CFAP73: variants seen among roughly 807,000 people sequenced by gnomAD.
CFAP73 encodes the protein cilia and flagella associated protein 73.
A neutral mutation model predicts 42.9 loss-of-function variants in CFAP73; 33 were observed. That is an observed-to-expected ratio of 0.77 (90% CI 0.58 to 1.03). CFAP73 has a LOEUF of 1.03. CFAP73 is among the 50% of genes least tolerant of loss of function. CFAP73 has a pLI of 0.00. For missense variants in CFAP73, 392 were observed against 411.9 expected (o/e 0.95, Z 0.42); for synonymous variants, 162 against 186.8 (o/e 0.87, Z 1.08).
chr12:113,154,453 C>T lies in CFAP73; in HGVS notation c.508C>T (p.Leu170=), dbSNP rs1952097507. 1 of 1,546,954 alleles carries T rather than the reference C, an allele frequency of 6.5e-7. No individual in the cohort carries two copies. The change falls in exon 5 of 8, where the codon CTG becomes TTG. Residue 170 remains leucine, a synonymous_variant. Coordinates refer to ENST00000335621, the MANE Select transcript of CFAP73 (RefSeq NM_001144872.3). This position sits in a 1 kb window ranked among gnomAD's most constrained non-coding sequence, Gnocchi z 4.7. Reference sequence around the variant, plus strand: ...GGAGCTGGTGGCGCGCTTCGACGGCCTGGCCGAGACGCAGGCGGCGCTGAG... The same window carrying T: ...GGAGCTGGTGGCGCGCTTCGACGGCTTGGCCGAGACGCAGGCGGCGCTGAG... The part of the protein sequence containing the change: ...VPELVARFDG[L]AETQAALRLR...
chr12:113,157,436 G>A (rs1952141466), intron 6 of CFAP73, 166 bp from the exon 7 acceptor site: 3 of 633,808 alleles, frequency 4.7e-6, no homozygotes, highest in Non-Finnish European at 8.4e-6. Context: ...ACCCAGAACG[G>A]TTTAGGATCT....
At position 113,158,882 on chromosome 12, in the gene CFAP73, T is replaced by G. The variant is rs1367284693; in HGVS notation, c.*193T>G. On this transcript the variant is annotated 3_prime_UTR_variant, in exon 8 of 8. Transcript: ENST00000335621. The surrounding 1 kb of genome is among the most constrained non-coding windows in gnomAD (Gnocchi z 4.9). ...ACGGGGCTGGGTCCTGGTCCTCACA[T>G]CCTCTTCCGCATCTTGCCCTTCTTG... 6.3e-7 allele frequency: 1 copy of G among 1,597,950 alleles called. No homozygotes were observed. The highest frequency in any genetic ancestry group is 8.6e-7 in the Non-Finnish European group (1 of 1,168,476).
rs1433779997 is a variant in CFAP73, at chr12:113,153,196, C to T, written c.268-12C>T. On this transcript the variant is annotated splice_polypyrimidine_tract_variant and intron_variant, in intron 3 of 7. Coordinates refer to ENST00000335621, the MANE Select transcript of CFAP73 (RefSeq NM_001144872.3). ...GTCCTGAAGGTCGTCTTCTCCCCACCGTACTCCCCAGGACTCCGAGGCCCG... is the reference window on the plus strand; with the variant it reads ...GTCCTGAAGGTCGTCTTCTCCCCACTGTACTCCCCAGGACTCCGAGGCCCG... The T allele has an allele frequency of 1.3e-6, 2 of 1,508,598 alleles. No homozygotes were observed. Among genetic ancestry groups the T allele is most frequent in the Non-Finnish European group, 8.8e-7 (1 of 1,135,052 alleles). The allele number at this position is 1,508,598 out of a possible 1,614,324, so 93.5% of individuals were successfully genotyped here.
chr12:113,155,501 C>T (rs1162286305), intron 6 of CFAP73, 83 bp downstream of exon 6: 1 of 1,395,758 alleles, frequency 7.2e-7, no homozygotes, highest in African/African-American at 1.4e-5. Context: ...CAGTTAGTGA[C>T]ACCTTCTCTG....
At chr12:113,157,775 C>A in intron 7 of CFAP73, 85 bp downstream of exon 7, 2 of 1,008,704 alleles carry the variant, frequency 2.0e-6, no homozygotes, top group South Asian at 1.4e-5. Flanking sequence ...AGTGGCTCTT[C>A]CTGAATCCGT....
chr12:113,156,343 C>T (rs979183524), intron 6 of CFAP73, among the ~76,000 whole-genome samples: 4 of 152,040 alleles, frequency 2.6e-5, no homozygotes, highest in Non-Finnish European at 5.9e-5. Context: ...CAGGATGAGC[C>T]ACAGACAAAA....
In CFAP73 at chr12:113,153,418, G is replaced by A; in HGVS notation, c.468+10G>A. ...GGAGCTGCTGCCCGGGGTGAGTCCG[G>A]GGCAGGAGGCTGGGAGCTCGGCGCC... On this transcript the variant is annotated intron_variant, in intron 4 of 7. Coordinates refer to ENST00000335621, the MANE Select transcript of CFAP73 (RefSeq NM_001144872.3). 3 of 1,403,934 alleles carry A rather than the reference G, an allele frequency of 2.1e-6. No homozygotes were observed. The highest frequency in any genetic ancestry group is 2.8e-6 in the Non-Finnish European group (3 of 1,087,086). 87.0% of individuals were successfully genotyped at this position (1,403,934 alleles called of 1,614,324 possible).
intron 4 of CFAP73, 30 bp downstream of exon 4, chr12:113,153,438 G>C (rs771368593): frequency 1.0e-4 from 144 of 1,381,732 alleles, no homozygotes; most frequent in Non-Finnish European, 1.2e-4. Context: ...CTGGGAGCTC[G>C]GCGCCACCGC....
Position 113,154,508 on chromosome 12 carries a change from T to C in CFAP73, c.563T>C (p.Leu188Pro), listed in dbSNP as rs1207074504. Residue 188 changes from leucine to proline, a missense_variant, in exon 5 of 8, where the codon CTG (leucine) becomes CCG (proline). Leu to Pro is a moderately conservative substitution (Grantham distance 98). Coordinates refer to ENST00000335621, the MANE Select transcript of CFAP73 (RefSeq NM_001144872.3). The surrounding 1 kb of genome is among the most constrained non-coding windows in gnomAD (Gnocchi z 4.7). ...RLREREQLAELEAARARLQQL... is the reference protein window; with the variant it reads ...RLREREQLAEPEAARARLQQL... ...AGGGAGCGCGAGCAGCTCGCGGAGC[T>C]GGAGGCGGCGCGAGCGCGGCTGCAG... The C allele has an allele frequency of 2.7e-5, 41 of 1,525,360 alleles. No homozygotes were observed. Among genetic ancestry groups the C allele is most frequent in the Non-Finnish European group, 3.3e-5 (38 of 1,139,244 alleles). The allele number at this position is 1,525,360 out of a possible 1,614,324, so 94.5% of individuals were successfully genotyped here. A position where few individuals can be genotyped will look rare whatever the true frequency, so the allele number is the denominator to read the frequency against.
rs1270587700 is a variant in CFAP73, at chr12:113,154,375, G to A, written c.469-39G>A. On this transcript the variant is annotated intron_variant, in intron 4 of 7. Coordinates refer to ENST00000335621, the MANE Select transcript of CFAP73 (RefSeq NM_001144872.3). This position sits in a 1 kb window ranked among gnomAD's most constrained non-coding sequence, Gnocchi z 4.7. ...GGTGGGATGGAGAGGGTAAGGCACT[G>A]CAGGCCCATGTGAGTCCCTTCCCCG... 5 of 1,545,848 alleles carry A rather than the reference G, an allele frequency of 3.2e-6. No individual in the cohort carries two copies. The East Asian group carries it at 9.8e-5, about 30-fold the overall frequency.
chr12:113,155,223 A>C, intron 5 of CFAP73, 37 bp from the exon 6 acceptor site: 2 of 1,490,418 alleles, frequency 1.3e-6, no homozygotes, highest in Non-Finnish European at 1.8e-6. Flanking sequence ...GCCTTGGCCC[A>C]GTTGCCATAA....
Position 113,155,353 on chromosome 12 carries a change from G to A in CFAP73, c.784G>A (p.Val262Met). 2 of 1,551,582 alleles carry A rather than the reference G, an allele frequency of 1.3e-6. No homozygotes were observed. Among genetic ancestry groups the A allele is most frequent in the Non-Finnish European group, 1.7e-6 (2 of 1,146,854 alleles). Residue 262 changes from valine to methionine, a missense_variant, in exon 6 of 8, where the codon GTG (valine) becomes ATG (methionine). Coordinates refer to ENST00000335621, the MANE Select transcript of CFAP73 (RefSeq NM_001144872.3). ...GGCTGTGCTCAACCTGTTCCAGCTA[G>A]TGTGCCAGCATCAGGGGCAGCCTCC... ...RMAVLNLFQLVCQHQGQPPTL... is the reference protein window; with the variant it reads ...RMAVLNLFQLMCQHQGQPPTL...
intron 6 of CFAP73, among the ~76,000 whole-genome samples, chr12:113,156,605 C>T (rs1952130474): frequency 6.6e-6 from 1 of 152,072 alleles, no homozygotes; most frequent in Non-Finnish European, 1.5e-5. Context: ...AGGATTCCAA[C>T]CGAATGCCAA....
intron 1 of CFAP73, among the ~76,000 whole-genome samples, chr12:113,150,233 G>A (rs75204823): frequency 6.6e-6 from 1 of 152,302 alleles, no homozygotes; most frequent in East Asian, 1.9e-4. Flanking sequence ...AGGAACAGAG[G>A]AAGCTTGTTC....
Position 113,158,963 on chromosome 12 carries a change from TGCGG to T in CFAP73, c.*277_*280del. 1 of 1,611,450 alleles carries T rather than the reference TGCGG, an allele frequency of 6.2e-7. No homozygotes were observed. The highest frequency in any genetic ancestry group is 8.5e-7 in the Non-Finnish European group (1 of 1,179,058). ...TGCAGCTCCTGGACGCGGCGGCGGT[TGCGG>T]GCAGAGAGCTGCTTGAGGCCACCAC... is the stretch of plus-strand genomic sequence containing the variant. On this transcript the variant is annotated 3_prime_UTR_variant, in exon 8 of 8. Transcript: ENST00000335621. The surrounding 1 kb of genome is among the most constrained non-coding windows in gnomAD (Gnocchi z 4.9).
chr12:113,151,488 C>A (rs762224844), intron 1 of CFAP73, among the ~76,000 whole-genome samples: 1 of 151,816 alleles, frequency 6.6e-6, no homozygotes, highest in Non-Finnish European at 1.5e-5. Flanking sequence ...ATCTCAAAAA[C>A]TATATAATAA....
At chr12:113,155,015 CA>C (rs1952105437) in intron 5 of CFAP73, among the ~76,000 whole-genome samples, 1 of 152,098 alleles carries the variant, frequency 6.6e-6, no homozygotes, top group African/African-American at 2.4e-5. Flanking sequence ...ACTAAAAATA[CA>C]AAAATTAGCC....
At chr12:113,150,459 G>C (rs1354286916) in intron 1 of CFAP73, among the ~76,000 whole-genome samples, 1 of 152,090 alleles carries the variant, frequency 6.6e-6, no homozygotes, top group Non-Finnish European at 1.5e-5. Flanking sequence ...CAGGCATCTC[G>C]GGCTTGGCCG....
In CFAP73 at chr12:113,152,915, G is replaced by A. The variant is rs1007832916; in HGVS notation, c.267+28G>A. ...AGGTGGAGCCTCCTGGGGGGGAGGCGGGGCCTATGGGTAGCAGCCCACACT... is the reference window on the plus strand; with the variant it reads ...AGGTGGAGCCTCCTGGGGGGGAGGCAGGGCCTATGGGTAGCAGCCCACACT... On this transcript the variant is annotated intron_variant, in intron 3 of 7. Coordinates refer to ENST00000335621, the MANE Select transcript of CFAP73 (RefSeq NM_001144872.3). 12 of 1,444,162 alleles carry A rather than the reference G, an allele frequency of 8.3e-6. No homozygotes were observed. The African/African-American group carries it at 1.5e-4, about 19-fold the overall frequency. 89.5% of individuals were successfully genotyped at this position (1,444,162 alleles called of 1,614,324 possible). A position where few individuals can be genotyped will look rare whatever the true frequency, so the allele number is the denominator to read the frequency against.
Sources: gnomAD v4.1 joint callset for allele counts (sites outside exome capture counted in the v4.1 genomes callset) on GRCh38, gnomAD v4.1.1 for gene constraint, Gnocchi (gnomAD v3.1) non-coding constraint, MANE v1.5 for transcripts, NCBI Gene and HGNC (gene_info 2026-07-23, HGNC 2026-07-21) for gene names.